SAMD4A: variants seen among roughly 807,000 people sequenced by gnomAD.
SAMD4A encodes the protein sterile alpha motif domain containing 4A.
SAMD4A carries 33 observed loss-of-function variants against 81.3 expected under a neutral mutation model. The observed-to-expected ratio is 0.41, with a 90% CI of 0.31 to 0.54. The LOEUF (loss-of-function observed/expected upper bound fraction) is 0.54, where lower values mean the gene tolerates loss of function less well. SAMD4A is among the 20% of genes least tolerant of loss of function. The pLI is 0.37. For missense variants in SAMD4A, 854 were observed against 951.1 expected, an observed-to-expected ratio of 0.90 and a Z score of 1.34; for synonymous variants, 389 against 382.1, an observed-to-expected ratio of 1.02 and a Z score of -0.21.
At chr14:54,748,520 C>G (rs780807540) in intron 4 of SAMD4A, among the ~76,000 whole-genome samples, 1 of 152,094 alleles carries the variant, frequency 6.6e-6, no homozygotes, top group Non-Finnish European at 1.5e-5. Context: ...CCCATCTACT[C>G]ACAAATTGGG....
chr14:54,615,047 G>A (rs1261129816), intron 2 of SAMD4A, among the ~76,000 whole-genome samples: 1 of 152,148 alleles, frequency 6.6e-6, no homozygotes, highest in African/African-American at 2.4e-5. Flanking sequence ...GTGAAGAGGA[G>A]ATGGCTGAGA....
chr14:54,707,622 C>A (rs1394852644), intron 3 of SAMD4A, among the ~76,000 whole-genome samples: 1 of 151,970 alleles, frequency 6.6e-6, no homozygotes, highest in Non-Finnish European at 1.5e-5. Context: ...GAAATAAGAA[C>A]AAGGGTAGGA....
chr14:54,745,181 C>G (rs961426975), intron 4 of SAMD4A, among the ~76,000 whole-genome samples: 1 of 152,242 alleles, frequency 6.6e-6, no homozygotes, highest in Non-Finnish European at 1.5e-5. Context: ...GCCTTTCTAG[C>G]ACACTCATCT....
At chr14:54,774,307 G>A (rs1418234335) in intron 9 of SAMD4A, among the ~76,000 whole-genome samples, 1 of 152,254 alleles carries the variant, frequency 6.6e-6, no homozygotes, top group Admixed American at 6.5e-5. Flanking sequence ...TAATGTCGAA[G>A]TCCCAGGAAG....
intron 2 of SAMD4A, among the ~76,000 whole-genome samples, chr14:54,675,432 A>G (rs1055694479): frequency 6.7e-5 from 10 of 150,354 alleles, no homozygotes; most frequent in African/African-American, 2.2e-4. Context: ...TTTATGACCA[A>G]CAAGTCACAG....
At chr14:54,643,512 G>A (rs2140392435) in intron 2 of SAMD4A, among the ~76,000 whole-genome samples, 1 of 152,342 alleles carries the variant, frequency 6.6e-6, no homozygotes, top group East Asian at 1.9e-4. Context: ...GAGATCCTCA[G>A]CAGCCCACTG....
chr14:54,677,630 C>T (rs372730222), intron 2 of SAMD4A, among the ~76,000 whole-genome samples: 6 of 152,292 alleles, frequency 3.9e-5, no homozygotes, highest in East Asian at 3.9e-4. Context: ...CAAAAGTCTC[C>T]GAGGATCCTG....
chr14:54,605,054 A>T (rs554050866), intron 2 of SAMD4A, among the ~76,000 whole-genome samples: 1 of 152,368 alleles, frequency 6.6e-6, no homozygotes, highest in South Asian at 2.1e-4. Flanking sequence ...ATTTAAGAAC[A>T]GTTAAATCTT....
intron 2 of SAMD4A, among the ~76,000 whole-genome samples, chr14:54,700,056 G>A (rs17729919): frequency 0.32 from 48,151 of 151,958 alleles, 8,281 homozygotes; most frequent in Middle Eastern, 0.47. Flanking sequence ...ATCATTTTTA[G>A]TGACTTCTCT....
chr14:54,618,378 T>A (rs2034539419), intron 2 of SAMD4A, among the ~76,000 whole-genome samples: 1 of 152,230 alleles, frequency 6.6e-6, no homozygotes, highest in South Asian at 2.1e-4. Flanking sequence ...TTAAAATATT[T>A]ACTACTGCTT....
chr14:54,603,794 A>ATTTG (rs200892616), intron 2 of SAMD4A, among the ~76,000 whole-genome samples: 5 of 146,312 alleles, frequency 3.4e-5, no homozygotes, highest in South Asian at 2.1e-4. Context: ...CCATTATTTT[A>ATTTG]TTTGTTTGTT....
At chr14:54,686,464 T>A (rs1298736127) in intron 2 of SAMD4A, among the ~76,000 whole-genome samples, 3 of 152,160 alleles carry the variant, frequency 2.0e-5, no homozygotes, top group African/African-American at 7.2e-5. Flanking sequence ...GAATCATAGC[T>A]TTTCCAGCTG....
chr14:54,676,480 G>T (rs1035059696), intron 2 of SAMD4A, among the ~76,000 whole-genome samples: 1 of 151,958 alleles, frequency 6.6e-6, no homozygotes, highest in Non-Finnish European at 1.5e-5. Flanking sequence ...AAGTTCAAGC[G>T]ATTCTCCTGC....
At chr14:54,618,462 A>G (rs2034541003) in intron 2 of SAMD4A, among the ~76,000 whole-genome samples, 1 of 152,258 alleles carries the variant, frequency 6.6e-6, no homozygotes, top group African/African-American at 2.4e-5. Flanking sequence ...TCACAAAGGA[A>G]ATATCAGGTA....
At chr14:54,706,035 C>T (rs2036842433) in intron 3 of SAMD4A, among the ~76,000 whole-genome samples, 1 of 151,954 alleles carries the variant, frequency 6.6e-6, no homozygotes, top group Admixed American at 6.6e-5. Flanking sequence ...TGGAGAGATC[C>T]TTGTGAACTG....
intron 9 of SAMD4A, among the ~76,000 whole-genome samples, chr14:54,774,217 A>G (rs140856525): frequency 4.5e-4 from 68 of 152,350 alleles, no homozygotes; most frequent in African/African-American, 1.4e-3. Flanking sequence ...ACCTGTGCAC[A>G]AGGATTACGC....
At chr14:54,602,239 AAAG>A (rs2140227545) in intron 2 of SAMD4A, among the ~76,000 whole-genome samples, 1 of 152,168 alleles carries the variant, frequency 6.6e-6, no homozygotes, top group Non-Finnish European at 1.5e-5. Flanking sequence ...ATCACTGTAC[AAAG>A]AAGAAGCATA....
chr14:54,742,556 G>A (rs2037871238), intron 4 of SAMD4A, among the ~76,000 whole-genome samples: 2 of 152,152 alleles, frequency 1.3e-5, no homozygotes. Context: ...AGATAGCTGG[G>A]TAGAAAAAGC....
rs185135117 is a variant in SAMD4A at position 54,628,915 on chromosome 14, T to G, written c.196+60803T>G. Among the ~76,000 whole-genome samples the G allele has an allele frequency of 1.1e-3, 163 of 151,608 alleles. 3 individuals carry two copies. In the South Asian group the frequency reaches 0.017, roughly 16 times the overall value. On this transcript the variant is annotated intron_variant, in intron 2 of 12. Transcript: ENST00000554335. The stretch of plus-strand genomic sequence containing the variant: ...CAAGGAACCTTAACTGTAGTTTTGG[T>G]TTTTTTTTAAACACAAATATTGTTA...
Sources: allele counts gnomAD v4.1 joint callset (sites outside exome capture counted in the v4.1 genomes callset), GRCh38; gene constraint gnomAD v4.1.1; transcripts MANE v1.5; gene names NCBI Gene and HGNC (gene_info 2026-07-23, HGNC 2026-07-21).